UMAD1: variants seen among roughly 807,000 people sequenced by gnomAD.
UMAD1 encodes UBAP1-MVB12-associated (UMA)-domain containing protein 1.
In UMAD1, 8 loss-of-function variants were observed where a neutral mutation model predicts 6.1. The ratio of observed to expected loss-of-function variants is 1.30; its 90% CI spans 0.76 to 2.35. UMAD1 has a LOEUF of 2.35. UMAD1 is among the 30% of genes most tolerant of loss of function. The probability of loss-of-function intolerance (pLI) is 0.00; values close to 1 mark genes in which losing one functional copy is unlikely to be tolerated. For synonymous variants in UMAD1, 56 were observed against 31.4 expected, an observed-to-expected ratio of 1.78 and a Z score of -2.61; for missense variants, 130 against 78.4, an observed-to-expected ratio of 1.66 and a Z score of -2.49.
intron 2 of UMAD1, among the ~76,000 whole-genome samples, chr7:7,754,469 A>G (rs147950776): frequency 1.3e-5 from 2 of 152,136 alleles, no homozygotes; most frequent in Non-Finnish European, 2.9e-5. Flanking sequence ...TTTATTTCCT[A>G]CAGAGTTGTT....
At chr7:7,831,190 T>C (rs1161356909) in intron 3 of UMAD1, among the ~76,000 whole-genome samples, 1 of 152,224 alleles carries the variant, frequency 6.6e-6, no homozygotes, top group Admixed American at 6.5e-5. Context: ...AGTTTTACTC[T>C]GTTTTAGCCT....
At chr7:7,850,708 A>G (rs1371215137) in intron 3 of UMAD1, among the ~76,000 whole-genome samples, 3 of 151,998 alleles carry the variant, frequency 2.0e-5, no homozygotes, top group Non-Finnish European at 4.4e-5. Flanking sequence ...AGAAACATAT[A>G]TCTTAATGTG....
chr7:7,751,981 A>T (rs770396898), intron 2 of UMAD1, among the ~76,000 whole-genome samples: 7 of 152,232 alleles, frequency 4.6e-5, no homozygotes, highest in Non-Finnish European at 8.8e-5. Context: ...TTGAGAATAT[A>T]CAACTTTAAA....
intron 2 of UMAD1, among the ~76,000 whole-genome samples, chr7:7,715,022 A>G (rs895019850): frequency 1.3e-5 from 2 of 151,986 alleles, no homozygotes; most frequent in African/African-American, 4.8e-5. Context: ...GAACTAACCA[A>G]CTGCAGTTTT....
chr7:7,817,894 A>G (rs1016666440), intron 3 of UMAD1, among the ~76,000 whole-genome samples: 1 of 152,026 alleles, frequency 6.6e-6, no homozygotes, highest in Non-Finnish European at 1.5e-5. Flanking sequence ...GCTTACTGCA[A>G]CCTGCACCTT....
chr7:7,746,989 C>CTGTGTGTA (rs1781585671), intron 2 of UMAD1, among the ~76,000 whole-genome samples: 1 of 130,816 alleles, frequency 7.6e-6, no homozygotes, highest in Non-Finnish European at 1.6e-5. Flanking sequence ...GTGTGTGTGT[C>CTGTGTGTA]TGTGTGTATG....
At chr7:7,708,087 T>C (rs1435863591) in intron 2 of UMAD1, among the ~76,000 whole-genome samples, 1 of 152,180 alleles carries the variant, frequency 6.6e-6, no homozygotes. Flanking sequence ...GTCATTCTTC[T>C]CTTAGCCTCC....
intron 3 of UMAD1, among the ~76,000 whole-genome samples, chr7:7,831,325 G>GTGA (rs1783462934): frequency 6.6e-6 from 1 of 152,102 alleles, no homozygotes. Context: ...CCATTCATTG[G>GTGA]TGATGCATCA....
intron 3 of UMAD1, among the ~76,000 whole-genome samples, chr7:7,857,835 G>C (rs1320824214): frequency 6.6e-6 from 1 of 152,090 alleles, no homozygotes; most frequent in Non-Finnish European, 1.5e-5. Context: ...TGCTTTGTTT[G>C]TTTGTTTTGG....
chr7:7,786,118 A>G (rs1403965342), intron 2 of UMAD1, among the ~76,000 whole-genome samples: 1 of 152,192 alleles, frequency 6.6e-6, no homozygotes, highest in East Asian at 1.9e-4. Context: ...TCATAAAAGC[A>G]AGGGCATCTC....
chr7:7,847,161 A>T (rs1320435049), intron 3 of UMAD1, among the ~76,000 whole-genome samples: 1 of 114,698 alleles, frequency 8.7e-6, no homozygotes, highest in African/African-American at 3.3e-5. Context: ...ATATTTGATC[A>T]TAATAATTGT....
At chr7:7,723,192 C>T (rs866428328) in intron 2 of UMAD1, among the ~76,000 whole-genome samples, 8 of 152,168 alleles carry the variant, frequency 5.3e-5, no homozygotes, top group Non-Finnish European at 1.0e-4. Context: ...GTGTGCTACA[C>T]TTGAGAAGAA....
intron 3 of UMAD1, among the ~76,000 whole-genome samples, chr7:7,868,762 A>C (rs1451579837): frequency 6.6e-6 from 1 of 152,094 alleles, no homozygotes; most frequent in Admixed American, 6.6e-5. Context: ...GGAGATAGAA[A>C]TCTTCTGTGA....
intron 1 of UMAD1, among the ~76,000 whole-genome samples, chr7:7,646,074 C>G (rs933779836): frequency 6.6e-6 from 1 of 152,142 alleles, no homozygotes; most frequent in African/African-American, 2.4e-5. Context: ...ATGGCAGTGT[C>G]TAGGGGCGTT....
At chr7:7,836,708 A>C (rs1783577514) in intron 3 of UMAD1, among the ~76,000 whole-genome samples, 1 of 152,030 alleles carries the variant, frequency 6.6e-6, no homozygotes, top group African/African-American at 2.4e-5. Context: ...TAGAAATTAA[A>C]AACAGTTATT....
At chr7:7,762,385 G>A (rs909264037) in intron 2 of UMAD1, among the ~76,000 whole-genome samples, 2 of 152,102 alleles carry the variant, frequency 1.3e-5, no homozygotes, top group Admixed American at 1.3e-4. Flanking sequence ...ATTTTCATTC[G>A]AGGTTTCTTG....
At chr7:7,662,345 G>GC (rs1563096227) in intron 1 of UMAD1, among the ~76,000 whole-genome samples, 2 of 152,134 alleles carry the variant, frequency 1.3e-5, no homozygotes, top group African/African-American at 4.8e-5. Context: ...CGTTCTAGGG[G>GC]CCAGTGGGGT....
intron 1 of UMAD1, among the ~76,000 whole-genome samples, chr7:7,671,114 C>T (rs1052006097): frequency 6.6e-6 from 1 of 152,192 alleles, no homozygotes; most frequent in Non-Finnish European, 1.5e-5. Context: ...ATTCAATAAT[C>T]ATATTACTCT....
chr7:7,748,735 ATATAAG>A (rs1290439646), intron 2 of UMAD1, among the ~76,000 whole-genome samples: 2 of 151,900 alleles, frequency 1.3e-5, no homozygotes, highest in African/African-American at 2.4e-5. Context: ...ATTTATAGAC[ATATAAG>A]TATATGTGTA....
Sources: allele counts gnomAD v4.1 joint callset (sites outside exome capture counted in the v4.1 genomes callset), GRCh38; gene constraint gnomAD v4.1.1; transcripts MANE v1.5; gene names NCBI Gene and HGNC (gene_info 2026-07-23, HGNC 2026-07-21).